KHDRBS2: variants seen among roughly 807,000 people sequenced by gnomAD.
KHDRBS2 encodes KH RNA binding domain containing, signal transduction associated 2, also known as KH domain-containing, RNA-binding, signal transduction-associated protein 2.
KHDRBS2 carries 26 observed loss-of-function variants against 44.3 expected under a neutral mutation model. The observed-to-expected ratio is 0.59, with a 90% CI of 0.43 to 0.81. The LOEUF is 0.81. Among genes scored for constraint, KHDRBS2 ranks in the 40% least tolerant of loss-of-function variants. The pLI is 0.00. For synonymous variants in KHDRBS2, 194 were observed against 151.1 expected (o/e 1.28, Z -2.08); for missense variants, 476 against 433.1 (o/e 1.10, Z -0.88).
intron 7 of KHDRBS2, among the ~76,000 whole-genome samples, chr6:61,713,973 C>T (rs1770959738): frequency 6.6e-6 from 1 of 151,808 alleles, no homozygotes; most frequent in Non-Finnish European, 1.5e-5. Flanking sequence ...CTCTTCTACG[C>T]TTTGGTCTAA....
intron 2 of KHDRBS2, among the ~76,000 whole-genome samples, chr6:62,050,827 A>G (rs1171319161): frequency 2.0e-5 from 3 of 152,030 alleles, no homozygotes; most frequent in African/African-American, 7.2e-5. Flanking sequence ...TATGTTCATA[A>G]AACAACTTGC....
intron 2 of KHDRBS2, among the ~76,000 whole-genome samples, chr6:62,082,311 G>T (rs1274045911): frequency 1.4e-3 from 9 of 6,512 alleles, no homozygotes; most frequent in Non-Finnish European, 2.3e-3. Context: ...ATACACACTG[G>T]TGTGTGTGTG....
At chr6:61,568,794 G>A in the KHDRBS2 span, among the ~76,000 whole-genome samples, 1 of 152,212 alleles carries the variant, frequency 6.6e-6, no homozygotes, top group Non-Finnish European at 1.5e-5. Context: ...AGCCATCCCT[G>A]ACTATCTCTC....
In KHDRBS2 at chr6:62,198,836, C is replaced by G. The variant is rs547890797; in HGVS notation, c.92-21524G>C. ...TGATGAACATTGATGCAAAAATCCT[C>G]AATAAAATACTGGCAAACCGAATCC... On this transcript the variant is annotated intron_variant, in intron 1 of 8. Coordinates refer to ENST00000281156, the MANE Select transcript of KHDRBS2 (RefSeq NM_152688.4). 2.3e-4 allele frequency among the ~76,000 whole-genome samples: 35 copies of G among 152,208 alleles called. No individual in the cohort carries two copies. In the South Asian group the frequency reaches 5.8e-3, roughly 25 times the overall value.
chr6:61,815,627 G>A (rs1051506063), intron 6 of KHDRBS2, among the ~76,000 whole-genome samples: 1 of 152,162 alleles, frequency 6.6e-6, no homozygotes, highest in African/African-American at 2.4e-5. Flanking sequence ...ATAATTCCAT[G>A]ACCTTGGAAA....
chr6:62,175,798 T>A (rs2150122273), intron 2 of KHDRBS2, among the ~76,000 whole-genome samples: 1 of 151,586 alleles, frequency 6.6e-6, no homozygotes, highest in South Asian at 2.1e-4. Context: ...CAAACATAGA[T>A]CTGGTAATAA....
intron 1 of KHDRBS2, among the ~76,000 whole-genome samples, chr6:62,244,265 T>C (rs1835175100): frequency 1.3e-5 from 2 of 152,130 alleles, no homozygotes; most frequent in Admixed American, 1.3e-4. Flanking sequence ...TTTCTATACT[T>C]AAAAAAGTAT....
intron 7 of KHDRBS2, among the ~76,000 whole-genome samples, chr6:61,718,509 C>G (rs1771814018): frequency 6.6e-6 from 1 of 152,074 alleles, no homozygotes; most frequent in Non-Finnish European, 1.5e-5. Context: ...TTTCTTGCCT[C>G]CATCCTGTTC....
At chr6:62,254,004 G>A (rs1836972606) in intron 1 of KHDRBS2, among the ~76,000 whole-genome samples, 1 of 151,930 alleles carries the variant, frequency 6.6e-6, no homozygotes, top group Admixed American at 6.6e-5. Flanking sequence ...TTTTAACAAA[G>A]ACTGAAATGA....
At chr6:61,564,135 T>C in the KHDRBS2 span, among the ~76,000 whole-genome samples, 1 of 152,124 alleles carries the variant, frequency 6.6e-6, no homozygotes. Flanking sequence ...CAAATTTTTC[T>C]CAAAATCTTA....
chr6:61,647,081 A>T, the KHDRBS2 span, among the ~76,000 whole-genome samples: 1 of 152,000 alleles, frequency 6.6e-6, no homozygotes, highest in Non-Finnish European at 1.5e-5. Flanking sequence ...GGCCTCCCAA[A>T]GTGCTGGGAT....
At chr6:62,186,565 G>C in intron 1 of KHDRBS2, among the ~76,000 whole-genome samples, 1 of 151,528 alleles carries the variant, frequency 6.6e-6, no homozygotes, top group Non-Finnish European at 1.5e-5. Flanking sequence ...ATAAATGCTA[G>C]GAATATCATA....
chr6:61,835,710 CGTGTGT>C (rs3078000), intron 6 of KHDRBS2, among the ~76,000 whole-genome samples: 8 of 145,566 alleles, frequency 5.5e-5, no homozygotes, highest in Middle Eastern at 3.6e-3. Context: ...TTGATGTGTG[CGTGTGT>C]GTGTGTGTGT....
intron 6 of KHDRBS2, among the ~76,000 whole-genome samples, chr6:61,790,014 C>G (rs936225728): frequency 6.6e-6 from 1 of 151,350 alleles, no homozygotes; most frequent in Non-Finnish European, 1.5e-5. Flanking sequence ...AAATGATTAT[C>G]TATTATTTAT....
chr6:61,935,485 C>A (rs192529581), intron 4 of KHDRBS2, among the ~76,000 whole-genome samples: 1 of 152,240 alleles, frequency 6.6e-6, no homozygotes, highest in Admixed American at 6.5e-5. Flanking sequence ...CAATACTTTG[C>A]ATTGCAGAGG....
chr6:62,254,910 G>T (rs1468114289), intron 1 of KHDRBS2, among the ~76,000 whole-genome samples: 3 of 152,068 alleles, frequency 2.0e-5, no homozygotes, highest in Non-Finnish European at 4.4e-5. Flanking sequence ...AATTGATAAT[G>T]CATGTAAAGT....
the KHDRBS2 span, among the ~76,000 whole-genome samples, chr6:61,603,609 T>A: frequency 1.3e-5 from 2 of 152,206 alleles, no homozygotes; most frequent in Non-Finnish European, 2.9e-5. Flanking sequence ...TGACTGCCGC[T>A]GCCTTAATAC....
the KHDRBS2 span, among the ~76,000 whole-genome samples, chr6:61,618,846 C>T: frequency 6.6e-6 from 1 of 152,184 alleles, no homozygotes; most frequent in Non-Finnish European, 1.5e-5. Context: ...CTGCTGATAT[C>T]TATAGATCCG....
intron 7 of KHDRBS2, among the ~76,000 whole-genome samples, chr6:61,722,541 C>T (rs1772813269): frequency 6.6e-6 from 1 of 151,966 alleles, no homozygotes; most frequent in African/African-American, 2.4e-5. Flanking sequence ...AGTTAAAGTC[C>T]ATTTTCTCTA....
Sources: allele counts gnomAD v4.1 joint callset (sites outside exome capture counted in the v4.1 genomes callset), GRCh38; gene constraint gnomAD v4.1.1; transcripts MANE v1.5; gene names NCBI Gene and HGNC (gene_info 2026-07-23, HGNC 2026-07-21).